SLC43A3: variants seen among roughly 807,000 people sequenced by gnomAD.
SLC43A3 encodes the protein solute carrier family 43 member 3, also known as equilibrative nucleobase transporter 1.
In SLC43A3, 33 loss-of-function variants were observed where a neutral mutation model predicts 53.3. That is an observed-to-expected ratio of 0.62 (90% confidence interval 0.47 to 0.83). The LOEUF (loss-of-function observed/expected upper bound fraction) is 0.83, where lower values mean the gene tolerates loss of function less well. SLC43A3 is among the 40% of genes least tolerant of loss of function. The pLI is 0.00. For synonymous variants in SLC43A3, 236 were observed against 246.2 expected, an observed-to-expected ratio of 0.96 and a Z score of 0.39; for missense variants, 530 against 610.0, an observed-to-expected ratio of 0.87 and a Z score of 1.38.
chr11:57,410,543 T>C (rs1942403287), intron 11 of SLC43A3, among the ~76,000 whole-genome samples: 1 of 151,806 alleles, frequency 6.6e-6, no homozygotes, highest in South Asian at 2.1e-4. Context: ...CTGTGGCAAC[T>C]ATGCTGCAGC....
rs769493860 is a variant in SLC43A3, at chr11:57,424,035, C to G, written c.315-7G>C. On this transcript the variant is annotated splice_region_variant and splice_polypyrimidine_tract_variant and intron_variant, in intron 4 of 13. Transcript: ENST00000395124. ...GGCGGTGGTGTAGAAAAATCTGAAA[C>G]ACATAACAGGAAAAGCAGAATATTG... 6.2e-7 allele frequency: 1 copy of G among 1,613,826 alleles called. No homozygotes were observed. The highest frequency in any genetic ancestry group is 1.1e-5 in the South Asian group (1 of 91,064).
intron 7 of SLC43A3, among the ~76,000 whole-genome samples, chr11:57,420,268 C>T (rs949702232): frequency 1.3e-5 from 2 of 152,208 alleles, no homozygotes; most frequent in South Asian, 2.1e-4. Flanking sequence ...TTTCACCTTG[C>T]GTCAGGGAAG....
chr11:57,414,913 C>T lies in SLC43A3; in HGVS notation c.943+20G>A. On this transcript the variant is annotated intron_variant, in intron 10 of 13. Coordinates refer to ENST00000395124, the MANE Select transcript of SLC43A3 (RefSeq NM_199329.3). ...CAGCTGGGACATGCAGATGGGCTAC[C>T]TCCCAGCCCTACCACATACCTCGTG... 2 of 1,610,670 alleles carry T rather than the reference C, an allele frequency of 1.2e-6. No homozygotes were observed. The highest frequency in any genetic ancestry group is 1.1e-5 in the South Asian group (1 of 91,046).
At chr11:57,414,538 A>T in intron 11 of SLC43A3, 77 bp downstream of exon 11, 14 of 554,666 alleles carry the variant, frequency 2.5e-5, no homozygotes, top group East Asian at 3.8e-5. Context: ...AAAAAGAGCG[A>T]GAGAAGATGT....
chr11:57,412,698 C>T (rs1942529450), intron 11 of SLC43A3, among the ~76,000 whole-genome samples: 1 of 151,896 alleles, frequency 6.6e-6, no homozygotes, highest in South Asian at 2.1e-4. Flanking sequence ...ATGCCAGCTA[C>T]TCGGGATGCT....
At chr11:57,413,062 A>C (rs1590683771) in intron 11 of SLC43A3, among the ~76,000 whole-genome samples, 2 of 130,610 alleles carry the variant, frequency 1.5e-5, no homozygotes, top group Admixed American at 7.5e-5. Context: ...TATTCACGGC[A>C]AAAAAAAAAA....
At position 57,417,791 on chromosome 11, in the gene SLC43A3, G is replaced by A. The variant is rs768183160; in HGVS notation, c.628C>T (p.Arg210Trp). Residue 210 changes from arginine to tryptophan, a missense_variant, in exon 8 of 14, where the codon CGG becomes TGG. Physicochemically the swap from Arg to Trp is moderately radical, Grantham distance 101. This residue lies in a region of SLC43A3 where 376 missense variants were observed against 386.7 expected (regional missense o/e 0.97). Transcript: ENST00000395124. ...HVARTFLLMP[R>W]GHIPYPLPPN... Reference sequence around the variant, plus strand: ...GGCAGTGGGTATGGGATGTGCCCCCGGGGCATCAGGAGGAAAGTGCGTGCT... The same window carrying A: ...GGCAGTGGGTATGGGATGTGCCCCCAGGGCATCAGGAGGAAAGTGCGTGCT... 97 of 1,613,976 alleles carry A rather than the reference G, an allele frequency of 6.0e-5. No individual in the cohort carries two copies. Among genetic ancestry groups the A allele is most frequent in the Admixed American group, 4.2e-4 (25 of 60,000 alleles).
Position 57,407,526 on chromosome 11 carries a change from C to T in SLC43A3, c.*266G>A. 2.7e-6 allele frequency: 1 copy of T among 373,792 alleles called. No homozygotes were observed. The allele number at this position is 373,792 out of a possible 1,614,324, so 23.2% of individuals were successfully genotyped here. A position where few individuals can be genotyped will look rare whatever the true frequency, so the allele number is the denominator to read the frequency against. On this transcript the variant is annotated 3_prime_UTR_variant, in exon 14 of 14. Coordinates refer to ENST00000395124, the MANE Select transcript of SLC43A3 (RefSeq NM_199329.3). The stretch of plus-strand genomic sequence containing the variant: ...ATCTCCCCTGGAGTCAAGGGTCTGC[C>T]AAGGCTAAGTGCAAGGAGACACTTC...
Position 57,407,724 on chromosome 11 carries a change from C to T in SLC43A3, c.*68G>A. The T allele has an allele frequency of 5.6e-6, 5 of 894,940 alleles. No individual in the cohort carries two copies. The highest frequency in any genetic ancestry group is 2.9e-5 in the South Asian group (2 of 68,788). 55.4% of individuals were successfully genotyped at this position (894,940 alleles called of 1,614,324 possible). ...GGGATAGGCAAAGTCTTTTGGGACA[C>T]GAGGTCCTCAAAGGTGGTGGAAGAT... is the stretch of plus-strand genomic sequence containing the variant. On this transcript the variant is annotated 3_prime_UTR_variant, in exon 14 of 14. Coordinates refer to ENST00000395124, the MANE Select transcript of SLC43A3 (RefSeq NM_199329.3).
At chr11:57,421,173 G>T in intron 6 of SLC43A3, 109 bp from the exon 7 acceptor site, 2 of 1,199,934 alleles carry the variant, frequency 1.7e-6, no homozygotes, top group Non-Finnish European at 2.4e-6. Flanking sequence ...ACCCTCCACC[G>T]CTAGAGCTCC....
chr11:57,409,140 C>T (rs772819040), intron 13 of SLC43A3, 35 bp downstream of exon 13: 3 of 1,612,892 alleles, frequency 1.9e-6, no homozygotes, highest in Non-Finnish European at 2.5e-6. Context: ...AGGCCCAGGC[C>T]TCCTGCCAGG....
Position 57,421,053 on chromosome 11 carries a change from T to C in SLC43A3, c.450A>G (p.Leu150=), listed in dbSNP as rs144836552. ...TGATGGTCGAACGGTGTTGGCCAAA[T>C]AGGTTCCCAATCTGGGGATGATAGG... The part of the protein sequence containing the change: ...FLITNLQIGN[L]FGQHRSTIIT... The change falls in exon 7 of 14, where the codon CTA becomes CTG. Residue 150 remains leucine, a synonymous_variant. Transcript: ENST00000395124. 188 of 1,612,036 alleles carry C rather than the reference T, an allele frequency of 1.2e-4. No individual in the cohort carries two copies. The African/African-American group carries it at 2.0e-3, about 17-fold the overall frequency.
intron 11 of SLC43A3, among the ~76,000 whole-genome samples, chr11:57,411,353 A>G (rs572110813): frequency 5.6e-4 from 85 of 151,990 alleles, no homozygotes; most frequent in African/African-American, 2.0e-3. Context: ...AAAATCAGTA[A>G]TTTGGCCCAG....
At chr11:57,410,223 T>C in intron 11 of SLC43A3, 102 bp from the exon 12 acceptor site, 2 of 936,924 alleles carry the variant, frequency 2.1e-6, no homozygotes, top group Non-Finnish European at 3.1e-6. Flanking sequence ...CCACTATCCA[T>C]CCACTGTCCC....
rs572068773 is a variant in SLC43A3, at chr11:57,424,585, G to T, written c.315-557C>A. ...GTCCCAAGGTTATCAGGCTCCCTTAGCATTTGGGGGTCTTGTAAGGCATGG... is the reference window on the plus strand; with the variant it reads ...GTCCCAAGGTTATCAGGCTCCCTTATCATTTGGGGGTCTTGTAAGGCATGG... On this transcript the variant is annotated intron_variant, in intron 4 of 13. Transcript: ENST00000395124. Among the ~76,000 whole-genome samples, 3 of 151,716 alleles carry T rather than the reference G, an allele frequency of 2.0e-5. No individual in the cohort carries two copies. The East Asian group carries it at 5.8e-4, about 29-fold the overall frequency.
At chr11:57,419,158 T>C (rs1469627535) in intron 7 of SLC43A3, among the ~76,000 whole-genome samples, 3 of 152,124 alleles carry the variant, frequency 2.0e-5, no homozygotes, top group African/African-American at 7.2e-5. Context: ...AGAGATCTTC[T>C]AGCCCAGTGC....
chr11:57,414,537 G>T, intron 11 of SLC43A3, 78 bp downstream of exon 11: 6 of 529,038 alleles, frequency 1.1e-5, no homozygotes, highest in Non-Finnish European at 1.8e-5. Flanking sequence ...AAAAAAGAGC[G>T]AGAGAAGATG....
intron 5 of SLC43A3, among the ~76,000 whole-genome samples, chr11:57,422,827 G>GGA (rs1943046927): frequency 6.6e-6 from 1 of 152,204 alleles, no homozygotes; most frequent in African/African-American, 2.4e-5. Context: ...GGTTTGATAA[G>GGA]GAGAGTGGTT....
chr11:57,418,442 C>A (rs187017271), intron 7 of SLC43A3, among the ~76,000 whole-genome samples: 1 of 152,204 alleles, frequency 6.6e-6, no homozygotes, highest in Admixed American at 6.5e-5. Context: ...GCCTGTAATT[C>A]TAGTGCTTTA....
Sources: allele counts gnomAD v4.1 joint callset (sites outside exome capture counted in the v4.1 genomes callset), GRCh38; gene constraint gnomAD v4.1.1; regional missense constraint gnomAD v4.1.1; transcripts MANE v1.5; gene names NCBI Gene and HGNC (gene_info 2026-07-23, HGNC 2026-07-21).